C1QTNF6: variants seen among roughly 807,000 people sequenced by gnomAD.
The protein encoded by C1QTNF6 is complement C1q tumor necrosis factor-related protein 6.
Under a neutral mutation model 20.7 loss-of-function variants are expected in C1QTNF6, and 17 were observed. That is an observed-to-expected ratio of 0.82 (90% CI 0.56 to 1.23). The LOEUF is 1.23. C1QTNF6 is among the 50% of genes most tolerant of loss of function. The pLI is 0.00. For synonymous variants in C1QTNF6, 130 were observed against 156.3 expected (o/e 0.83, Z 1.25); for missense variants, 329 against 389.7 (o/e 0.84, Z 1.31).
Position 37,182,489 on chromosome 22 carries a change from G to A in C1QTNF6, c.536C>T (p.Ala179Val), listed in dbSNP as rs772385825. ...FVNLDGCFDM[A>V]TGQFAAPLRG... is the part of the protein sequence containing the mutation. ...CAGGGGAGCAGCAAACTGGCCGGTC[G>A]CCATGTCAAAGCACCCATCAAGGTT... Residue 179 changes from alanine to valine, a missense_variant, in exon 3 of 3, where the codon GCG becomes GTG. Transcript: ENST00000337843. The A allele has an allele frequency of 1.9e-5, 30 of 1,614,130 alleles. No homozygotes were observed. Among genetic ancestry groups the A allele is most frequent in the Admixed American group, 8.3e-5 (5 of 60,014 alleles).
At position 37,180,548 on chromosome 22, in the gene C1QTNF6, C is replaced by T. The variant is rs982028693; in HGVS notation, c.*1640G>A. Reference sequence around the variant, plus strand: ...TGAGGGCTCTAAAGCCTGGGGCTTCCGTGGCCCTTCTCCTGCAGGTGTTTG... The same window carrying T: ...TGAGGGCTCTAAAGCCTGGGGCTTCTGTGGCCCTTCTCCTGCAGGTGTTTG... On this transcript the variant is annotated 3_prime_UTR_variant, in exon 3 of 3. Coordinates refer to ENST00000337843, the MANE Select transcript of C1QTNF6 (RefSeq NM_031910.4). 6.6e-5 allele frequency: 10 copies of T among 152,612 alleles called. No homozygotes were observed. Among genetic ancestry groups the T allele is most frequent in the African/African-American group, 2.4e-4 (10 of 41,468 alleles). 9.5% of individuals were successfully genotyped at this position (152,612 alleles called of 1,614,324 possible). A position where few individuals can be genotyped will look rare whatever the true frequency, so the allele number is the denominator to read the frequency against.
At chr22:37,197,687 G>A (rs2145787552) in exon 1 of C1QTNF6, 1 of 152,376 alleles carries the variant, frequency 6.6e-6, no homozygotes, top group South Asian at 2.1e-4. Context: ...CAGGGCAGCT[G>A]GCAGGAGTCA....
chr22:37,189,450 T>C (rs1924668032), upstream of C1QTNF6, among the ~76,000 whole-genome samples: 1 of 152,154 alleles, frequency 6.6e-6, no homozygotes, highest in African/African-American at 2.4e-5. Flanking sequence ...CTATTCAAGA[T>C]GGAGTTGCCC....
In C1QTNF6 at chr22:37,182,739, T is replaced by C; in HGVS notation, c.290-4A>G. On this transcript the variant is annotated splice_polypyrimidine_tract_variant and splice_region_variant and intron_variant, in intron 2 of 2. Coordinates refer to ENST00000337843, the MANE Select transcript of C1QTNF6 (RefSeq NM_031910.4). Reference sequence around the variant, plus strand: ...GGGCCTGGGTCCCCTTTGTCACCTGTGGGGATAAAAAGGGGACAAGTCAGG... The same window carrying C: ...GGGCCTGGGTCCCCTTTGTCACCTGCGGGGATAAAAAGGGGACAAGTCAGG... The C allele has an allele frequency of 6.3e-7, 1 of 1,592,608 alleles. No individual in the cohort carries two copies. The highest frequency in any genetic ancestry group is 8.5e-7 in the Non-Finnish European group (1 of 1,171,272).
At chr22:37,194,350 CT>C (rs1342021914) in intron 2 of C1QTNF6, among the ~76,000 whole-genome samples, 1 of 152,220 alleles carries the variant, frequency 6.6e-6, no homozygotes, top group Non-Finnish European at 1.5e-5. Flanking sequence ...AAGCTTAAGA[CT>C]AGCCCCCATG....
upstream of C1QTNF6, chr22:37,190,870 C>T (rs997552652): frequency 7.2e-5 from 11 of 152,106 alleles, no homozygotes; most frequent in African/African-American, 2.4e-4. Context: ...CTTACCGGAG[C>T]GTACTTTACT....
upstream of C1QTNF6, chr22:37,199,296 C>T (rs1213004467): frequency 1.3e-5 from 2 of 152,328 alleles, no homozygotes; most frequent in Non-Finnish European, 2.9e-5. Context: ...TCTGCATAGC[C>T]CAGGGCCCAG....
rs1276587910 is a variant in C1QTNF6, at chr22:37,186,049, G to GA, written c.52-595dup. On this transcript the variant is annotated intron_variant, in intron 1 of 2. Transcript: ENST00000337843. The stretch of plus-strand genomic sequence containing the variant: ...TTTGGTGTGAGAACACCATAGTTCT[G>GA]AAAAAAAAGAGATAAGAGAGTTCAT... 23 of 985,094 alleles carry GA rather than the reference G, an allele frequency of 2.3e-5. No homozygotes were observed. In the East Asian group the frequency reaches 1.1e-3, roughly 49 times the overall value. 61.0% of individuals were successfully genotyped at this position (985,094 alleles called of 1,614,324 possible). A position where few individuals can be genotyped will look rare whatever the true frequency, so the allele number is the denominator to read the frequency against.
intron 2 of C1QTNF6, among the ~76,000 whole-genome samples, chr22:37,194,145 A>G (rs200563897): frequency 6.7e-6 from 1 of 148,256 alleles, no homozygotes; most frequent in South Asian, 2.2e-4. Context: ...GTAAAAAAAA[A>G]GACAAGACAG....
At chr22:37,186,098 C>G in intron 1 of C1QTNF6, 1 of 985,516 alleles carries the variant, frequency 1.0e-6, no homozygotes, top group Non-Finnish European at 1.2e-6. Flanking sequence ...CAGAAAGCAA[C>G]GTCCATGAGA....
chr22:37,187,900 G>A (rs113791805), intron 1 of C1QTNF6, among the ~76,000 whole-genome samples: 24 of 152,220 alleles, frequency 1.6e-4, no homozygotes, highest in African/African-American at 5.8e-4. Context: ...GGGAGGGAGC[G>A]GCAGGGCAAC....
At chr22:37,192,128 TCCTA>T (rs977690272), upstream of C1QTNF6, among the ~76,000 whole-genome samples, 9 of 152,368 alleles carry the variant, frequency 5.9e-5, no homozygotes, top group Middle Eastern at 6.8e-3. Flanking sequence ...TTCAGCTTTA[TCCTA>T]CCTAACTTGA....
Position 37,181,933 on chromosome 22 carries a change from T to A in C1QTNF6, c.*255A>T. ...CGCATGCATTTCCAAGTTTGAGAAG[T>A]GCTGGGCTACGAGGCTGGGAAAGTT... On this transcript the variant is annotated 3_prime_UTR_variant, in exon 3 of 3. Transcript: ENST00000337843. The A allele has an allele frequency of 2.0e-6, 1 of 510,072 alleles. No homozygotes were observed. Among genetic ancestry groups the A allele is most frequent in the Non-Finnish European group, 3.5e-6 (1 of 287,704 alleles). The allele number at this position is 510,072 out of a possible 1,614,324, so 31.6% of individuals were successfully genotyped here.
Position 37,182,258 on chromosome 22 carries a change from G to A in C1QTNF6, c.767C>T (p.Ala256Val), listed in dbSNP as rs375707605. Residue 256 changes from alanine (A) to valine (V), a missense_variant, in exon 3 of 3, where the codon GCC becomes GTC. Transcript: ENST00000337843. Reference sequence around the variant, plus strand: ...GGTGTCGAAGTCGTTGCTGTAGATGGCGTTCTCGCGCTGGCGCTTGAAGAG... The same window carrying A: ...GGTGTCGAAGTCGTTGCTGTAGATGACGTTCTCGCGCTGGCGCTTGAAGAG... ...VRLFKRQREN[A>V]IYSNDFDTYI... 6 of 1,614,084 alleles carry A rather than the reference G, an allele frequency of 3.7e-6. No individual in the cohort carries two copies. Among genetic ancestry groups the A allele is most frequent in the Non-Finnish European group, 5.1e-6 (6 of 1,180,040 alleles).
At position 37,182,051 on chromosome 22, in the gene C1QTNF6, A is replaced by C. The variant is rs139078611; in HGVS notation, c.*137T>G. 1.2e-3 allele frequency: 1,106 copies of C among 913,420 alleles called. 11 individuals are homozygous for C. In the African/African-American group the frequency reaches 0.016, roughly 13 times the overall value. The allele number at this position is 913,420 out of a possible 1,614,324, so 56.6% of individuals were successfully genotyped here. ...TGGGAGGGATGATGGCAGCCAAGAT[A>C]GAAGCAGGGTCTCCCCAGAATGCCA... is the stretch of plus-strand genomic sequence containing the variant. On this transcript the variant is annotated 3_prime_UTR_variant, in exon 3 of 3. Coordinates refer to ENST00000337843, the MANE Select transcript of C1QTNF6 (RefSeq NM_031910.4).
chr22:37,185,789 T>C (rs1457679575), intron 1 of C1QTNF6: 2 of 1,020,424 alleles, frequency 2.0e-6, no homozygotes, highest in Non-Finnish European at 2.3e-6. Flanking sequence ...CCAGGAAGCT[T>C]TGCTGGGGCA....
Position 37,184,571 on chromosome 22 carries a change from C to T in C1QTNF6, c.289+647G>A, listed in dbSNP as rs1601628230. On this transcript the variant is annotated intron_variant, in intron 2 of 2. Coordinates refer to ENST00000337843, the MANE Select transcript of C1QTNF6 (RefSeq NM_031910.4). The surrounding 1 kb of genome is among the most constrained non-coding windows in gnomAD (Gnocchi z 4.0). ...GGATGGCCCTCACCTGGACAGGCCC[C>T]ACAGGGCTGCATGCTCCGACCCTCG... 1.5e-6 allele frequency: 1 copy of T among 679,078 alleles called. No individual in the cohort carries two copies. The allele number at this position is 679,078 out of a possible 1,614,324, so 42.1% of individuals were successfully genotyped here. A position where few individuals can be genotyped will look rare whatever the true frequency, so the allele number is the denominator to read the frequency against.
chr22:37,185,979 T>C (rs753479321), intron 1 of C1QTNF6: 32 of 985,648 alleles, frequency 3.2e-5, no homozygotes, highest in African/African-American at 2.1e-4. Context: ...TGGAGGGTTC[T>C]GGAGGCTTGT....
chr22:37,181,897 C>A lies in C1QTNF6; in HGVS notation c.*291G>T. On this transcript the variant is annotated 3_prime_UTR_variant, in exon 3 of 3. Coordinates refer to ENST00000337843, the MANE Select transcript of C1QTNF6 (RefSeq NM_031910.4). ...GTCAGAATCTGCATTTAACACGAACCCCGGGTGATTCGCATGCATTTCCAA... is the reference window on the plus strand; with the variant it reads ...GTCAGAATCTGCATTTAACACGAACACCGGGTGATTCGCATGCATTTCCAA... 2.3e-6 allele frequency: 1 copy of A among 437,940 alleles called. No homozygotes were observed. The highest frequency in any genetic ancestry group is 4.1e-6 in the Non-Finnish European group (1 of 242,670). 27.1% of individuals were successfully genotyped at this position (437,940 alleles called of 1,614,324 possible). A position where few individuals can be genotyped will look rare whatever the true frequency, so the allele number is the denominator to read the frequency against.
Sources: gnomAD v4.1 joint callset for allele counts (sites outside exome capture counted in the v4.1 genomes callset) on GRCh38, gnomAD v4.1.1 for gene constraint, Gnocchi (gnomAD v3.1) non-coding constraint, MANE v1.5 for transcripts, NCBI Gene and HGNC (gene_info 2026-07-23, HGNC 2026-07-21) for gene names.